Variants in SEMA6D observed in about 807,000 individuals in gnomAD.
SEMA6D encodes semaphorin-6D.
Under a neutral mutation model 106.6 loss-of-function variants are expected in SEMA6D, and 35 were observed. That is an observed-to-expected ratio of 0.33 (90% confidence interval 0.25 to 0.44). SEMA6D has a LOEUF of 0.44. Ranked by LOEUF, SEMA6D falls within the 20% of genes least tolerant of loss-of-function variation. The probability of loss-of-function intolerance (pLI) is 1.00; values close to 1 mark genes in which losing one functional copy is unlikely to be tolerated. For synonymous variants in SEMA6D, 499 were observed against 487.7 expected, an observed-to-expected ratio of 1.02 and a Z score of -0.31; for missense variants, 1,185 against 1,345.9, an observed-to-expected ratio of 0.88 and a Z score of 1.87.
At position 47,678,649 on chromosome 15, in the gene SEMA6D, CT is replaced by C. The variant is rs914776849; in HGVS notation, c.-55+77765del. On this transcript the variant is annotated intron_variant, in intron 4 of 19. Coordinates refer to the SEMA6D transcript ENST00000558014. Reference sequence around the variant, plus strand: ...CAAAGTACTGATTTCTTATCCTAACCTTTTTTTTTTTTAAGCACATTTTCTA... The same window carrying C: ...CAAAGTACTGATTTCTTATCCTAACCTTTTTTTTTTTAAGCACATTTTCTA... Among the ~76,000 whole-genome samples the C allele has an allele frequency of 3.6e-3, 520 of 144,160 alleles. 1 individual carries two copies. The highest frequency in any genetic ancestry group is 8.4e-3 in the African/African-American group (330 of 39,512). 94.6% of individuals were successfully genotyped at this position (144,160 alleles called of 152,430 possible).
intron 1 of SEMA6D, among the ~76,000 whole-genome samples, chr15:47,745,089 G>T (rs969516613): frequency 3.9e-5 from 6 of 152,144 alleles, no homozygotes; most frequent in African/African-American, 1.4e-4. Flanking sequence ...CATCCCCCAA[G>T]GTGATTCATA....
At chr15:47,589,989 T>C (rs1381324711) in intron 3 of SEMA6D, among the ~76,000 whole-genome samples, 1 of 152,180 alleles carries the variant, frequency 6.6e-6, no homozygotes, top group African/African-American at 2.4e-5. Context: ...TGGGCTGAAT[T>C]GTTTTCCTCC....
intron 3 of SEMA6D, among the ~76,000 whole-genome samples, chr15:47,481,016 A>T (rs932607224): frequency 3.9e-5 from 6 of 152,182 alleles, no homozygotes; most frequent in African/African-American, 1.4e-4. Context: ...TTATATAATT[A>T]TAAGGCTGCC....
At chr15:47,655,273 A>T (rs970048150) in intron 4 of SEMA6D, among the ~76,000 whole-genome samples, 1 of 152,244 alleles carries the variant, frequency 6.6e-6, no homozygotes, top group Non-Finnish European at 1.5e-5. Flanking sequence ...GGCCTTCCCC[A>T]TAAGGATTCT....
intron 2 of SEMA6D, among the ~76,000 whole-genome samples, chr15:47,436,118 G>A (rs538009403): frequency 1.3e-5 from 2 of 152,088 alleles, no homozygotes; most frequent in East Asian, 1.9e-4. Flanking sequence ...GGCCGATTGC[G>A]GTGGCTCATG....
chr15:47,696,072 A>G (rs930120646), intron 4 of SEMA6D, among the ~76,000 whole-genome samples: 1 of 152,152 alleles, frequency 6.6e-6, no homozygotes, highest in Non-Finnish European at 1.5e-5. Context: ...CTTAGCACAA[A>G]CAAAGGTCTT....
intron 4 of SEMA6D, among the ~76,000 whole-genome samples, chr15:47,620,203 C>G (rs1461284024): frequency 1.3e-5 from 2 of 152,190 alleles, no homozygotes; most frequent in African/African-American, 4.8e-5. Flanking sequence ...CTCACAAGAT[C>G]AGCACCTTCT....
intron 2 of SEMA6D, among the ~76,000 whole-genome samples, chr15:47,436,589 G>A (rs973654100): frequency 6.7e-6 from 1 of 150,208 alleles, no homozygotes; most frequent in South Asian, 2.1e-4. Flanking sequence ...ATTTTATGAT[G>A]CAGAAAAAAT....
At chr15:47,649,657 G>C (rs771879640) in intron 4 of SEMA6D, among the ~76,000 whole-genome samples, 1 of 152,174 alleles carries the variant, frequency 6.6e-6, no homozygotes, top group Non-Finnish European at 1.5e-5. Context: ...TGTCTAGAAA[G>C]AGAGGGGAGG....
chr15:47,282,513 C>T (rs937948940), intron 1 of SEMA6D, among the ~76,000 whole-genome samples: 3 of 152,130 alleles, frequency 2.0e-5, no homozygotes, highest in African/African-American at 7.2e-5. Flanking sequence ...AGTACTGTTG[C>T]TACAAACACT....
chr15:47,699,502 G>A (rs1450924568), intron 4 of SEMA6D, among the ~76,000 whole-genome samples: 3 of 152,148 alleles, frequency 2.0e-5, no homozygotes, highest in African/African-American at 7.2e-5. Context: ...CTCTGAAAAA[G>A]ACCTTAGACA....
chr15:47,426,553 C>A (rs2041346140), intron 2 of SEMA6D, among the ~76,000 whole-genome samples: 1 of 152,042 alleles, frequency 6.6e-6, no homozygotes, highest in African/African-American at 2.4e-5. Context: ...CTAGTAAAAT[C>A]TTTTGTCCCA....
chr15:47,287,998 A>C (rs1471306013), intron 1 of SEMA6D, among the ~76,000 whole-genome samples: 2 of 152,120 alleles, frequency 1.3e-5, no homozygotes, highest in African/African-American at 4.8e-5. Flanking sequence ...AAAGAGAGAG[A>C]CAGAGAGAGA....
chr15:47,358,148 C>T (rs1231072135), intron 1 of SEMA6D, among the ~76,000 whole-genome samples: 1 of 152,168 alleles, frequency 6.6e-6, no homozygotes, highest in Admixed American at 6.5e-5. Flanking sequence ...CCAAACTCTT[C>T]ATTTTCTTGT....
intron 3 of SEMA6D, among the ~76,000 whole-genome samples, chr15:47,486,317 T>C (rs1216059240): frequency 6.6e-6 from 1 of 152,282 alleles, no homozygotes; most frequent in Non-Finnish European, 1.5e-5. Flanking sequence ...GGAACAACAA[T>C]GAAAGAACTT....
intron 1 of SEMA6D, among the ~76,000 whole-genome samples, chr15:47,719,280 C>T (rs2079282441): frequency 6.6e-6 from 1 of 152,108 alleles, no homozygotes; most frequent in South Asian, 2.1e-4. Context: ...GAGCCCTCAG[C>T]GCCGTCAGCT....
At chr15:47,342,574 A>G (rs1325621067) in intron 1 of SEMA6D, among the ~76,000 whole-genome samples, 2 of 152,236 alleles carry the variant, frequency 1.3e-5, no homozygotes, top group African/African-American at 2.4e-5. Context: ...TCACTTTAGC[A>G]TAGTATTCTG....
At position 47,770,900 on chromosome 15, in the gene SEMA6D, G is replaced by C. The variant is rs1268767561; in HGVS notation, c.2337G>C (p.Val779=). Residue 779 remains valine, a synonymous_variant, in exon 19 of 19, where the codon GTG becomes GTC. Coordinates refer to ENST00000536845, the MANE Select transcript of SEMA6D (RefSeq NM_001358351.3). Reference sequence around the variant, plus strand: ...TTCCTACTCCTGAGTCTACACCCGTGCTTCACCAGAAGACCCTGCAGGCCA... The same window carrying C: ...TTCCTACTCCTGAGTCTACACCCGTCCTTCACCAGAAGACCCTGCAGGCCA... ...AALPTPESTP[V]LHQKTLQAMK... The C allele has an allele frequency of 6.2e-7, 1 of 1,614,048 alleles. No homozygotes were observed. The highest frequency in any genetic ancestry group is 1.7e-5 in the Admixed American group (1 of 60,012).
chr15:47,407,400 C>A (rs1224178865), intron 1 of SEMA6D, among the ~76,000 whole-genome samples: 213 of 84,738 alleles, frequency 2.5e-3, no homozygotes, highest in Middle Eastern at 9.3e-3. Flanking sequence ...AAAACAACAA[C>A]AACAACAACA....
Sources: gnomAD v4.1 joint callset for allele counts (sites outside exome capture counted in the v4.1 genomes callset) on GRCh38, gnomAD v4.1.1 for gene constraint, MANE v1.5 for transcripts, NCBI Gene and HGNC (gene_info 2026-07-23, HGNC 2026-07-21) for gene names.